Variants in ALCAM observed in about 807,000 individuals in gnomAD.
The protein encoded by ALCAM is activated leukocyte cell adhesion molecule.
ALCAM carries 30 observed loss-of-function variants against 70.9 expected under a neutral mutation model. That is an observed-to-expected ratio of 0.42 (90% CI 0.32 to 0.57). ALCAM has a LOEUF of 0.57. Ranked by LOEUF, ALCAM falls within the 20% of genes least tolerant of loss-of-function variation. The probability of loss-of-function intolerance (pLI) is 0.11; values close to 1 mark genes in which losing one functional copy is unlikely to be tolerated. For synonymous variants in ALCAM, 249 were observed against 242.5 expected (o/e 1.03, Z -0.25); for missense variants, 591 against 695.1 (o/e 0.85, Z 1.68).
chr3:105,531,921 A>G (rs1246870569), intron 3 of ALCAM, 81 bp from the exon 4 acceptor site: 22 of 1,087,970 alleles, frequency 2.0e-5, no homozygotes, highest in Non-Finnish European at 2.8e-5. Flanking sequence ...GAGTAAATGA[A>G]TTGTTTTTGC....
At chr3:105,436,668 T>A (rs765062826) in intron 1 of ALCAM, among the ~76,000 whole-genome samples, 2 of 152,230 alleles carry the variant, frequency 1.3e-5, no homozygotes, top group Non-Finnish European at 2.9e-5. Flanking sequence ...AACTGAGTCT[T>A]CTTAGTTTAG....
At chr3:105,485,871 A>C (rs1415662650) in intron 1 of ALCAM, among the ~76,000 whole-genome samples, 2 of 152,044 alleles carry the variant, frequency 1.3e-5, no homozygotes, top group East Asian at 3.9e-4. Flanking sequence ...CTGCAAAGTT[A>C]AGATTTGACT....
Position 105,547,424 on chromosome 3 carries a change from T to C in ALCAM, c.1275T>C (p.Asp425=). The C allele has an allele frequency of 6.2e-7, 1 of 1,608,778 alleles. No individual in the cohort carries two copies. Among genetic ancestry groups the C allele is most frequent in the South Asian group, 1.1e-5 (1 of 90,242 alleles). The change falls in exon 11 of 16, where the codon GAT becomes GAC. Residue 425 remains aspartate (D), a synonymous_variant. Transcript: ENST00000306107. The part of the protein sequence containing the change: ...KPQIKMTKKT[D]PSGLSKTIIC... ...AAATAAAAATGACAAAGAAAACTGA[T>C]CCCAGTGGACTATCTAAAACAATAA...
intron 1 of ALCAM, among the ~76,000 whole-genome samples, chr3:105,384,145 A>G (rs1935592385): frequency 6.6e-6 from 1 of 151,700 alleles, no homozygotes; most frequent in South Asian, 2.1e-4. Flanking sequence ...ATTGAAAGAG[A>G]ACTTTAAAAT....
intron 1 of ALCAM, among the ~76,000 whole-genome samples, chr3:105,422,842 G>A (rs977138285): frequency 4.0e-5 from 6 of 151,436 alleles, no homozygotes; most frequent in Admixed American, 1.3e-4. Flanking sequence ...GAAGGAAAGT[G>A]TAGTCATTAC....
Position 105,552,480 on chromosome 3 carries a change from A to C in ALCAM, c.1559A>C (p.Glu520Ala), listed in dbSNP as rs1940433068. ...EADEISDENR[E>A]KVNDQAKLIV... is the part of the protein sequence containing the mutation. ...TTCTTTGTTGCAGATGAAAACAGAGAAAAGGTGAATGACCAGGCAAAACTA... is the reference window on the plus strand; with the variant it reads ...TTCTTTGTTGCAGATGAAAACAGAGCAAAGGTGAATGACCAGGCAAAACTA... Residue 520 changes from glutamate (E) to alanine (A), a missense_variant, in exon 14 of 16, where the codon GAA becomes GCA. By Grantham distance (107) the Glu-to-Ala change is moderately radical. This residue lies in a region of ALCAM where 164 missense variants were observed against 244.7 expected (regional missense o/e 0.67). Transcript: ENST00000306107. The C allele has an allele frequency of 1.9e-6, 3 of 1,611,612 alleles. No homozygotes were observed. The highest frequency in any genetic ancestry group is 2.5e-6 in the Non-Finnish European group (3 of 1,178,236).
chr3:105,367,969 G>GGGGTA (rs1384437387), intron 1 of ALCAM, among the ~76,000 whole-genome samples: 12 of 151,986 alleles, frequency 7.9e-5, no homozygotes, highest in Non-Finnish European at 1.8e-4. Context: ...GGGTAGAGAA[G>GGGGTA]GAGAGGACTT....
At chr3:105,371,594 C>T (rs1348756076) in intron 1 of ALCAM, among the ~76,000 whole-genome samples, 44 of 151,430 alleles carry the variant, frequency 2.9e-4, no homozygotes, top group Non-Finnish European at 7.4e-5. Context: ...AAACTTAGTA[C>T]CACCTAAGTT....
chr3:105,417,344 G>T (rs528904019), intron 1 of ALCAM, among the ~76,000 whole-genome samples: 27 of 151,750 alleles, frequency 1.8e-4, no homozygotes, highest in African/African-American at 6.3e-4. Flanking sequence ...TTCAGGGTCT[G>T]CTATTTAATT....
chr3:105,484,865 C>T (rs1938380135), intron 1 of ALCAM, among the ~76,000 whole-genome samples: 1 of 152,046 alleles, frequency 6.6e-6, no homozygotes. Flanking sequence ...AGTTAGTGAA[C>T]CAGTACATGC....
At chr3:105,490,483 G>T (rs55924889) in intron 1 of ALCAM, among the ~76,000 whole-genome samples, 2,002 of 152,266 alleles carry the variant, frequency 0.013, 34 homozygotes, top group African/African-American at 0.044. Context: ...TGTTCTATGA[G>T]TCTTTATTTT....
intron 1 of ALCAM, among the ~76,000 whole-genome samples, chr3:105,439,659 G>A (rs1335099790): frequency 6.6e-6 from 1 of 152,180 alleles, no homozygotes; most frequent in Non-Finnish European, 1.5e-5. Context: ...TTGGAAAATT[G>A]AAGCAAGTGT....
intron 1 of ALCAM, among the ~76,000 whole-genome samples, chr3:105,504,011 A>G (rs948095454): frequency 6.6e-6 from 1 of 152,256 alleles, no homozygotes; most frequent in African/African-American, 2.4e-5. Flanking sequence ...CCAAAGAGAC[A>G]TAATAACTTT....
intron 1 of ALCAM, among the ~76,000 whole-genome samples, chr3:105,407,923 C>G (rs1289809046): frequency 6.6e-6 from 1 of 151,992 alleles, no homozygotes; most frequent in East Asian, 1.9e-4. Context: ...AGTGACTAGG[C>G]TGAGAATCAA....
At chr3:105,492,795 CAAAA>C (rs972446522) in intron 1 of ALCAM, among the ~76,000 whole-genome samples, 1 of 151,450 alleles carries the variant, frequency 6.6e-6, no homozygotes, top group Non-Finnish European at 1.5e-5. Flanking sequence ...ACTGTAGAAA[CAAAA>C]AAGGGGAAAG....
chr3:105,499,515 A>G (rs1429787549), intron 1 of ALCAM, among the ~76,000 whole-genome samples: 1 of 152,224 alleles, frequency 6.6e-6, no homozygotes, highest in Non-Finnish European at 1.5e-5. Context: ...AGTCATGTAC[A>G]GAAGAGTCCT....
chr3:105,559,269 TAC>T (rs1232625659), intron 14 of ALCAM, among the ~76,000 whole-genome samples: 2 of 147,624 alleles, frequency 1.4e-5, no homozygotes, highest in Non-Finnish European at 3.0e-5. Flanking sequence ...TATTTATATA[TAC>T]ATATACACAT....
intron 9 of ALCAM, 22 bp from the exon 10 acceptor site, chr3:105,547,127 A>C (rs1254439473): frequency 2.6e-6 from 4 of 1,518,300 alleles, no homozygotes; most frequent in Admixed American, 2.3e-5. Flanking sequence ...CACATGAGGT[A>C]ATTTACTTTT....
intron 1 of ALCAM, among the ~76,000 whole-genome samples, chr3:105,444,041 G>C (rs1237161579): frequency 6.6e-6 from 1 of 151,982 alleles, no homozygotes; most frequent in Non-Finnish European, 1.5e-5. Context: ...TTCTTAAAGG[G>C]CTCTTTAAAA....
Sources: gnomAD v4.1 joint callset for allele counts (sites outside exome capture counted in the v4.1 genomes callset) on GRCh38, gnomAD v4.1.1 for gene constraint, gnomAD v4.1.1 regional missense constraint, MANE v1.5 for transcripts, NCBI Gene and HGNC (gene_info 2026-07-23, HGNC 2026-07-21) for gene names.